The following CUX2 variants were observed in gnomAD, a reference collection of about 807,000 sequenced individuals.
CUX2 encodes cut like homeobox 2.
Under a neutral mutation model 144.8 loss-of-function variants are expected in CUX2, and 40 were observed. That is an observed-to-expected ratio of 0.28 (90% confidence interval 0.21 to 0.36). The LOEUF is 0.36. Ranked by LOEUF, CUX2 falls within the 10% of genes least tolerant of loss-of-function variation. The probability of loss-of-function intolerance (pLI) is 1.00; values close to 1 mark genes in which losing one functional copy is unlikely to be tolerated. For synonymous variants in CUX2, 827 were observed against 875.6 expected (o/e 0.94, Z 0.98); for missense variants, 1,615 against 1,994.0 (o/e 0.81, Z 3.62).
chr12:111,265,303 ATTTTAT>A (rs949347820), intron 4 of CUX2, among the ~76,000 whole-genome samples: 1 of 147,136 alleles, frequency 6.8e-6, no homozygotes, highest in African/African-American at 2.6e-5. Flanking sequence ...ATTTTATTTT[ATTTTAT>A]TTTTATTTTA....
rs147667631 is a variant in CUX2 at position 111,231,711 on chromosome 12, C to T, written c.222+13774C>T. 2.1e-4 allele frequency among the ~76,000 whole-genome samples: 32 copies of T among 152,172 alleles called. 1 individual carries two copies. In the East Asian group the frequency reaches 6.2e-3, roughly 29 times the overall value. Reference sequence around the variant, plus strand: ...TTTAAACCACTAAAAAATAATAGTACAACAATTAAAAATAATATAAATTTT... The same window carrying T: ...TTTAAACCACTAAAAAATAATAGTATAACAATTAAAAATAATATAAATTTT... On this transcript the variant is annotated intron_variant, in intron 3 of 21. Transcript: ENST00000261726.
At position 111,307,707 on chromosome 12, in the gene CUX2, C is replaced by T. The variant is rs761393848; in HGVS notation, c.1109+450C>T. On this transcript the variant is annotated intron_variant, in intron 12 of 21. Coordinates refer to ENST00000261726, the MANE Select transcript of CUX2 (RefSeq NM_015267.4). This position sits in a 1 kb window ranked among gnomAD's most constrained non-coding sequence, Gnocchi z 4.1. ...GTGAGACCCTGTCTCAAAAACAAAA[C>T]GAAATTCAACCATCTTCAGTCCTTT... Among the ~76,000 whole-genome samples the T allele has an allele frequency of 5.3e-5, 8 of 151,916 alleles. No homozygotes were observed. In the South Asian group the frequency reaches 6.3e-4, roughly 12 times the overall value.
chr12:111,035,376 TG>T lies in CUX2; in HGVS notation c.63+1138del, dbSNP rs1869381721. Among the ~76,000 whole-genome samples, 1 of 151,718 alleles carries T rather than the reference TG, an allele frequency of 6.6e-6. No homozygotes were observed. The highest frequency in any genetic ancestry group is 1.5e-5 in the Non-Finnish European group (1 of 67,952). On this transcript the variant is annotated intron_variant, in intron 1 of 21. Coordinates refer to ENST00000261726, the MANE Select transcript of CUX2 (RefSeq NM_015267.4). The surrounding 1 kb of genome is among the most constrained non-coding windows in gnomAD (Gnocchi z 6.0). ...CCCCGTAGGAGCCGGGGCTGGGAGG[TG>T]GAATCTCAGAGAACGCACCGTGGAG...
chr12:111,334,576 C>A lies in CUX2; in HGVS notation c.3062C>A (p.Ser1021Tyr), dbSNP rs1455543064. The change falls in exon 19 of 22, where the codon TCC becomes TAC. Residue 1021 changes from serine (S) to tyrosine (Y), a missense_variant. Ser to Tyr is a moderately radical substitution (Grantham distance 144, BLOSUM62 -2). Coordinates refer to ENST00000261726, the MANE Select transcript of CUX2 (RefSeq NM_015267.4). Reference protein sequence around the residue: ...ENQQPEGRSSSSLSGKMYSGS... With the variant: ...ENQQPEGRSSYSLSGKMYSGS... The stretch of plus-strand genomic sequence containing the variant: ...CAGCAGCCAGAGGGCCGCTCCAGCT[C>A]CTCGTTGAGCGGGAAGATGTACTCA... 1.2e-6 allele frequency: 2 copies of A among 1,614,038 alleles called. No individual in the cohort carries two copies. Among genetic ancestry groups the A allele is most frequent in the South Asian group, 2.2e-5 (2 of 91,084 alleles).
intron 3 of CUX2, among the ~76,000 whole-genome samples, chr12:111,248,343 G>A (rs1016455450): frequency 6.6e-6 from 1 of 152,226 alleles, no homozygotes; most frequent in African/African-American, 2.4e-5. Context: ...TCACCACCCA[G>A]GAAGTCTCAC....
intron 4 of CUX2, among the ~76,000 whole-genome samples, chr12:111,274,015 C>T (rs1185302723): frequency 2.0e-5 from 3 of 152,328 alleles, no homozygotes; most frequent in African/African-American, 7.2e-5. Flanking sequence ...CCCTGCCCTC[C>T]TGGAACTTTC....
chr12:111,298,408 C>T, intron 8 of CUX2, 133 bp from the exon 9 acceptor site: 1 of 872,398 alleles, frequency 1.1e-6, no homozygotes, highest in East Asian at 2.7e-5. Context: ...CTTTTCTCCC[C>T]AGCCCGATTT....
intron 4 of CUX2, among the ~76,000 whole-genome samples, chr12:111,269,657 G>T (rs1884546449): frequency 6.6e-6 from 1 of 152,084 alleles, no homozygotes; most frequent in South Asian, 2.1e-4. Flanking sequence ...TTGGAAACGA[G>T]CCCTCATTTT....
intron 1 of CUX2, among the ~76,000 whole-genome samples, chr12:111,121,537 C>A (rs368148502): frequency 6.6e-6 from 1 of 151,822 alleles, no homozygotes; most frequent in East Asian, 1.9e-4. Context: ...CCACCACACC[C>A]AGCTAGTAGA....
At chr12:111,283,462 C>T (rs934738814) in intron 4 of CUX2, among the ~76,000 whole-genome samples, 5 of 152,150 alleles carry the variant, frequency 3.3e-5, no homozygotes, top group African/African-American at 9.7e-5. Context: ...ACAGCTGCCA[C>T]GAGTCATAAT....
In CUX2 at chr12:111,334,716, G is replaced by C; in HGVS notation, c.3196+6G>C. ...CCTCACAGACAACAATCTAGGTACG[G>C]AGCGGGTGGGAATCGGAGAGGCTGC... On this transcript the variant is annotated splice_donor_region_variant and intron_variant, in intron 19 of 21. Coordinates refer to ENST00000261726, the MANE Select transcript of CUX2 (RefSeq NM_015267.4). 6.3e-7 allele frequency: 1 copy of C among 1,587,190 alleles called. No homozygotes were observed. The highest frequency in any genetic ancestry group is 8.6e-7 in the Non-Finnish European group (1 of 1,164,312).
chr12:111,308,246 G>A (rs536917670), intron 12 of CUX2, 39 bp from the exon 13 acceptor site: 2 of 1,613,326 alleles, frequency 1.2e-6, no homozygotes, highest in Admixed American at 1.7e-5. Context: ...CCAGCCCGGG[G>A]GCTGGCTGAC....
chr12:111,245,386 AT>A (rs1053789137), intron 3 of CUX2, among the ~76,000 whole-genome samples: 13 of 150,218 alleles, frequency 8.7e-5, no homozygotes, highest in South Asian at 4.2e-4. Flanking sequence ...AAAAAAAAAA[AT>A]TTTTTTTTAC....
chr12:111,053,419 G>A lies in CUX2; in HGVS notation c.63+19179G>A, dbSNP rs77961174. The stretch of plus-strand genomic sequence containing the variant: ...ATCCTAACCCACTTAATGCTGAGAT[G>A]TTCAGAGGCCTCCCATGGACACACA... On this transcript the variant is annotated intron_variant, in intron 1 of 21. Coordinates refer to ENST00000261726, the MANE Select transcript of CUX2 (RefSeq NM_015267.4). Among the ~76,000 whole-genome samples, 356 of 152,318 alleles carry A rather than the reference G, an allele frequency of 2.3e-3. 2 individuals are homozygous for A. The highest frequency in any genetic ancestry group is 8.2e-3 in the African/African-American group (340 of 41,560).
rs370430566 is a variant in CUX2, at chr12:111,288,567, C to A, written c.302-2851C>A. ...AGCGACCAGGCACGATAACTCATGC[C>A]TATAATCCCAGCATTTTGGGAGGCC... is the stretch of plus-strand genomic sequence containing the variant. On this transcript the variant is annotated intron_variant, in intron 4 of 21. Transcript: ENST00000261726. 7.2e-5 allele frequency among the ~76,000 whole-genome samples: 11 copies of A among 152,018 alleles called. No individual in the cohort carries two copies. The East Asian group carries it at 1.9e-3, about 27-fold the overall frequency.
At chr12:111,184,966 G>T (rs536842796) in intron 1 of CUX2, among the ~76,000 whole-genome samples, 5 of 152,018 alleles carry the variant, frequency 3.3e-5, no homozygotes, top group Non-Finnish European at 5.9e-5. Flanking sequence ...GGAGGCTGAG[G>T]CAGGAGGAGA....
chr12:111,162,637 G>A (rs2031846144), intron 1 of CUX2, among the ~76,000 whole-genome samples: 1 of 152,228 alleles, frequency 6.6e-6, no homozygotes, highest in Admixed American at 6.5e-5. Context: ...GTTTTAGCAA[G>A]TGCGTGTATG....
chr12:111,099,434 T>C (rs1873059921), intron 1 of CUX2: 1 of 407,256 alleles, frequency 2.5e-6, no homozygotes, highest in South Asian at 1.8e-5. Context: ...TCTTCCTTCA[T>C]TTCTTGCCAA....
At chr12:111,343,059 G>A (rs560585911) in intron 21 of CUX2, among the ~76,000 whole-genome samples, 68 of 150,972 alleles carry the variant, frequency 4.5e-4, no homozygotes, top group Admixed American at 1.2e-3. Context: ...TTTGCCTTGC[G>A]TCTGCCTCAA....
Sources: gnomAD v4.1 joint callset for allele counts (sites outside exome capture counted in the v4.1 genomes callset) on GRCh38, gnomAD v4.1.1 for gene constraint, Gnocchi (gnomAD v3.1) non-coding constraint, MANE v1.5 for transcripts, NCBI Gene and HGNC (gene_info 2026-07-23, HGNC 2026-07-21) for gene names.